The following CACNA1B variants were observed in gnomAD, a reference collection of about 807,000 sequenced individuals.
The protein encoded by CACNA1B is calcium voltage-gated channel subunit alpha1 B.
Under a neutral mutation model 247.2 loss-of-function variants are expected in CACNA1B, and 70 were observed. That is an observed-to-expected ratio of 0.28 (90% CI 0.23 to 0.35). The LOEUF is 0.35. Ranked by LOEUF, CACNA1B falls within the 10% of genes least tolerant of loss-of-function variation. The pLI is 1.00. For synonymous variants in CACNA1B, 1,231 were observed against 1,294.4 expected, an observed-to-expected ratio of 0.95 and a Z score of 1.05; for missense variants, 2,367 against 3,197.4, an observed-to-expected ratio of 0.74 and a Z score of 6.26.
rs759450452 is a variant in CACNA1B at position 138,013,123 on chromosome 9, A to C, written c.2161-6A>C. 4 of 1,610,316 alleles carry C rather than the reference A, an allele frequency of 2.5e-6. No individual in the cohort carries two copies. The highest frequency in any genetic ancestry group is 2.5e-6 in the Non-Finnish European group (3 of 1,176,838). ...GGGAACTGGACATTTCTCTTTGCTC[A>C]AACAGGATGAAGAGGAGATGGAAGA... is the stretch of plus-strand genomic sequence containing the variant. On this transcript the variant is annotated splice_polypyrimidine_tract_variant and splice_region_variant and intron_variant, in intron 17 of 46. Coordinates refer to ENST00000371372, the MANE Select transcript of CACNA1B (RefSeq NM_000718.4).
chr9:138,084,497 G>A (rs1346087835), intron 36 of CACNA1B, among the ~76,000 whole-genome samples: 1 of 151,332 alleles, frequency 6.6e-6, no homozygotes, highest in African/African-American at 2.4e-5. Context: ...GTTGAATGCA[G>A]CTAAAGAAGT....
In CACNA1B at chr9:138,073,592, C is replaced by G. The variant is rs753099587; in HGVS notation, c.4779C>G (p.Val1593=). 6.2e-7 allele frequency: 1 copy of G among 1,603,396 alleles called. No individual in the cohort carries two copies. The highest frequency in any genetic ancestry group is 1.3e-5 in the African/African-American group (1 of 74,832). Reference sequence around the variant, plus strand: ...TCCGCATCCTGCTGTGGACCTTTGTCCAGTCCTTCAAGGTGGGCCAGGCGG... The same window carrying G: ...TCCGCATCCTGCTGTGGACCTTTGTGCAGTCCTTCAAGGTGGGCCAGGCGG... ...YTIRILLWTF[V]QSFKALPYVC... is the part of the protein sequence containing the mutation. Residue 1593 remains valine, a synonymous_variant, in exon 33 of 47, where the codon GTC becomes GTG. Coordinates refer to ENST00000371372, the MANE Select transcript of CACNA1B (RefSeq NM_000718.4). This position sits in a 1 kb window ranked among gnomAD's most constrained non-coding sequence, Gnocchi z 6.4.
intron 36 of CACNA1B, among the ~76,000 whole-genome samples, chr9:138,094,536 T>C (rs1960997217): frequency 1.3e-5 from 2 of 151,604 alleles, no homozygotes; most frequent in Non-Finnish European, 2.9e-5. Flanking sequence ...ACACATTCTG[T>C]GAGGCCAGCA....
chr9:138,045,440 G>A (rs889757643), intron 21 of CACNA1B, among the ~76,000 whole-genome samples: 1 of 152,192 alleles, frequency 6.6e-6, no homozygotes, highest in Non-Finnish European at 1.5e-5. Flanking sequence ...GAAGTCAGGT[G>A]CGTATGGAGG....
At position 138,124,015 on chromosome 9, in the gene CACNA1B, C is replaced by G. The variant is rs1234790319; in HGVS notation, c.*2016C>G. The G allele has an allele frequency of 6.6e-6, 1 of 152,208 alleles. No individual in the cohort carries two copies. Among genetic ancestry groups the G allele is most frequent in the Admixed American group, 6.5e-5 (1 of 15,284 alleles). The allele number at this position is 152,208 out of a possible 1,614,324, so 9.4% of individuals were successfully genotyped here. On this transcript the variant is annotated 3_prime_UTR_variant, in exon 47 of 47. Transcript: ENST00000371372. ...AGTGTTGGGTCGAGAATCCACTTTT[C>G]TAAACCCACACAGCCTAGCTGGCTT...
At chr9:137,961,548 T>G (rs1958021546) in intron 10 of CACNA1B, among the ~76,000 whole-genome samples, 2 of 152,312 alleles carry the variant, frequency 1.3e-5, no homozygotes, top group African/African-American at 2.4e-5. Flanking sequence ...CCCTTTAATA[T>G]CTAGTTTATT....
At chr9:138,029,875 G>A (rs1428324205) in intron 20 of CACNA1B, among the ~76,000 whole-genome samples, 6 of 152,002 alleles carry the variant, frequency 3.9e-5, no homozygotes, top group Non-Finnish European at 8.8e-5. Context: ...TCAGCCTCCC[G>A]AAGTGTTGGG....
chr9:138,114,626 C>G (rs1345557015), intron 41 of CACNA1B, 136 bp downstream of exon 41: 3 of 609,478 alleles, frequency 4.9e-6, no homozygotes, highest in Non-Finnish European at 8.7e-6. Flanking sequence ...AAGATTCTTG[C>G]AGCTACCTCT....
rs1589074669 is a variant in CACNA1B at position 138,023,230 on chromosome 9, C to T, written c.2487C>T (p.Pro829=). The T allele has an allele frequency of 1.3e-6, 2 of 1,511,476 alleles. No individual in the cohort carries two copies. The highest frequency in any genetic ancestry group is 1.8e-6 in the Non-Finnish European group (2 of 1,138,418). 93.6% of individuals were successfully genotyped at this position (1,511,476 alleles called of 1,614,324 possible). Residue 829 remains proline, a synonymous_variant, in exon 19 of 47, where the codon CCC becomes CCT. Coordinates refer to ENST00000371372, the MANE Select transcript of CACNA1B (RefSeq NM_000718.4). ...VELGRDGARG[P]VGGKARPEAA... ...TGGGCCGCGACGGCGCGCGGGGGCC[C>T]GTGGGAGGCAAAGCCCGACCTGAGG...
At position 138,057,412 on chromosome 9, in the gene CACNA1B, T is replaced by G. The variant is rs2133502148; in HGVS notation, c.3969-320T>G. ...GGCCTGATTTATCTGTATTTTTTAT[T>G]CTGTTGCTCATGATTTTGGTGTCAC... On this transcript the variant is annotated intron_variant, in intron 26 of 46. Transcript: ENST00000371372. This position sits in a 1 kb window ranked among gnomAD's most constrained non-coding sequence, Gnocchi z 4.0. Among the ~76,000 whole-genome samples, 1 of 152,310 alleles carries G rather than the reference T, an allele frequency of 6.6e-6. No individual in the cohort carries two copies. Among genetic ancestry groups the G allele is most frequent in the South Asian group, 2.1e-4 (1 of 4,818 alleles).
At position 138,059,934 on chromosome 9, in the gene CACNA1B, G is replaced by A. The variant is rs374806252; in HGVS notation, c.4668+197G>A. ...TCAGCAGATGTTCTTTCTTGAATAA[G>A]AAAGTGGTTCTCAAAGATCTTTTGG... is the stretch of plus-strand genomic sequence containing the variant. On this transcript the variant is annotated intron_variant, in intron 31 of 46. Transcript: ENST00000371372. This position sits in a 1 kb window ranked among gnomAD's most constrained non-coding sequence, Gnocchi z 4.2. Among the ~76,000 whole-genome samples, 92 of 152,330 alleles carry A rather than the reference G, an allele frequency of 6.0e-4. No individual in the cohort carries two copies. Among genetic ancestry groups the A allele is most frequent in the African/African-American group, 2.1e-3 (86 of 41,560 alleles).
intron 36 of CACNA1B, among the ~76,000 whole-genome samples, chr9:138,088,584 C>T (rs558925471): frequency 6.6e-6 from 1 of 151,924 alleles, no homozygotes; most frequent in East Asian, 1.9e-4. Context: ...ATGCATGGAA[C>T]CCACCAAGAT....
rs182532849 is a variant in CACNA1B at position 137,957,750 on chromosome 9, G to A, written c.1333+63G>A. 4.0e-4 allele frequency: 457 copies of A among 1,150,656 alleles called. 2 individuals carry two copies. In the African/African-American group the frequency reaches 5.3e-3, roughly 13 times the overall value. The allele number at this position is 1,150,656 out of a possible 1,614,324, so 71.3% of individuals were successfully genotyped here. A position where few individuals can be genotyped will look rare whatever the true frequency, so the allele number is the denominator to read the frequency against. ...GAGCTGGACATGGAGTGCATGCTCC[G>A]CTTCCCCTGCTACCCAGCCACTGTT... On this transcript the variant is annotated intron_variant, in intron 10 of 46. Coordinates refer to ENST00000371372, the MANE Select transcript of CACNA1B (RefSeq NM_000718.4). The surrounding 1 kb of genome is among the most constrained non-coding windows in gnomAD (Gnocchi z 4.7).
At chr9:138,065,345 G>A (rs1323533747) in intron 31 of CACNA1B, among the ~76,000 whole-genome samples, 1 of 152,134 alleles carries the variant, frequency 6.6e-6, no homozygotes, top group Non-Finnish European at 1.5e-5. Flanking sequence ...TGTGGGTCTA[G>A]TGGCCGGCAT....
intron 16 of CACNA1B, among the ~76,000 whole-genome samples, chr9:138,008,531 C>T (rs1242706319): frequency 1.3e-5 from 2 of 152,184 alleles, no homozygotes; most frequent in Non-Finnish European, 2.9e-5. Context: ...GAGGCTCTGG[C>T]CTGGGGTATG....
chr9:137,981,545 C>T (rs1018395816), intron 12 of CACNA1B, among the ~76,000 whole-genome samples: 1 of 152,140 alleles, frequency 6.6e-6, no homozygotes, highest in Non-Finnish European at 1.5e-5. Flanking sequence ...GGCACGATCT[C>T]GGCTCACTGC....
chr9:138,021,192 T>A, intron 18 of CACNA1B, among the ~76,000 whole-genome samples: 1 of 152,134 alleles, frequency 6.6e-6, no homozygotes, highest in East Asian at 1.9e-4. Context: ...TGTGGGTCAG[T>A]TGTAGGGCAC....
Position 137,986,870 on chromosome 9 carries a change from T to C in CACNA1B, c.1974+16T>C. ...TGTCTTCCAGGTAAGGCACCTGCTC[T>C]GCACATTTGCGGCCTGCCCGGCTCC... On this transcript the variant is annotated intron_variant, in intron 15 of 46. Coordinates refer to ENST00000371372, the MANE Select transcript of CACNA1B (RefSeq NM_000718.4). This position sits in a 1 kb window ranked among gnomAD's most constrained non-coding sequence, Gnocchi z 6.0. 1 of 1,603,866 alleles carries C rather than the reference T, an allele frequency of 6.2e-7. No individual in the cohort carries two copies. Among genetic ancestry groups the C allele is most frequent in the Non-Finnish European group, 8.5e-7 (1 of 1,170,948 alleles).
Position 138,111,938 on chromosome 9 carries a change from C to CTT in CACNA1B, c.5429-446_5429-445dup, listed in dbSNP as rs11326781. ...TTGGCACTTTGCACTCTCCGGTACACTTTTTTTTTTTTTTTACTTATTACT... is the reference window on the plus strand; with the variant it reads ...TTGGCACTTTGCACTCTCCGGTACACTTTTTTTTTTTTTTTTTACTTATTACT... On this transcript the variant is annotated intron_variant, in intron 39 of 46. Coordinates refer to ENST00000371372, the MANE Select transcript of CACNA1B (RefSeq NM_000718.4). Among the ~76,000 whole-genome samples, 133 of 146,812 alleles carry CTT rather than the reference C, an allele frequency of 9.1e-4. 1 individual carries two copies. Among genetic ancestry groups the CTT allele is most frequent in the African/African-American group, 3.0e-3 (119 of 39,928 alleles).
Sources: allele counts gnomAD v4.1 joint callset (sites outside exome capture counted in the v4.1 genomes callset), GRCh38; gene constraint gnomAD v4.1.1; non-coding constraint Gnocchi (gnomAD v3.1); transcripts MANE v1.5; gene names NCBI Gene and HGNC (gene_info 2026-07-23, HGNC 2026-07-21).